The following SLC9C1 variants were observed in gnomAD, a reference collection of about 807,000 sequenced individuals.
SLC9C1 encodes the protein solute carrier family 9 member C1.
In SLC9C1, 97 loss-of-function variants were observed where a neutral mutation model predicts 140.9. That is an observed-to-expected ratio of 0.69 (90% CI 0.58 to 0.82). The LOEUF (loss-of-function observed/expected upper bound fraction) is 0.82. SLC9C1 is among the 40% of genes least tolerant of loss of function. The pLI, the probability that SLC9C1 is intolerant of heterozygous loss-of-function variation, is 0.00. For synonymous variants in SLC9C1, 440 were observed against 442.6 expected, an observed-to-expected ratio of 0.99 and a Z score of 0.07; for missense variants, 1,340 against 1,389.3, an observed-to-expected ratio of 0.96 and a Z score of 0.56.
Position 112,189,800 on chromosome 3 carries a change from T to C in SLC9C1, c.2524-7542A>G, listed in dbSNP as rs190125784. Among the ~76,000 whole-genome samples, 236 of 152,350 alleles carry C rather than the reference T, an allele frequency of 1.5e-3. 1 individual carries two copies. The highest frequency in any genetic ancestry group is 1.2e-3 in the Non-Finnish European group (85 of 68,030). On this transcript the variant is annotated intron_variant, in intron 20 of 28. Coordinates refer to ENST00000305815, the MANE Select transcript of SLC9C1 (RefSeq NM_183061.3). Reference sequence around the variant, plus strand: ...TATTGGTAGCTTGATGGGCATGGTATTGAATCTATTAATTACCTTGGGCAG... The same window carrying C: ...TATTGGTAGCTTGATGGGCATGGTACTGAATCTATTAATTACCTTGGGCAG...
At chr3:112,201,373 C>T (rs1472159318) in intron 18 of SLC9C1, among the ~76,000 whole-genome samples, 1 of 151,992 alleles carries the variant, frequency 6.6e-6, no homozygotes, top group Non-Finnish European at 1.5e-5. Context: ...TGCTAAATAT[C>T]AGTGGTTAGA....
intron 15 of SLC9C1, among the ~76,000 whole-genome samples, chr3:112,214,045 T>C (rs2078284127): frequency 6.6e-6 from 1 of 152,150 alleles, no homozygotes; most frequent in South Asian, 2.1e-4. Context: ...GAACTCAGGA[T>C]TAAGAAACTC....
intron 28 of SLC9C1, 33 bp downstream of exon 28, chr3:112,151,824 C>A (rs757584639): frequency 1.9e-6 from 3 of 1,567,602 alleles, no homozygotes; most frequent in Non-Finnish European, 8.8e-7. Context: ...CAGATGTGCT[C>A]CTGATCCTGT....
chr3:112,287,780 G>A (rs1311393825), intron 1 of SLC9C1, among the ~76,000 whole-genome samples: 1 of 152,160 alleles, frequency 6.6e-6, no homozygotes, highest in African/African-American at 2.4e-5. Context: ...GGGCACGGTG[G>A]CTCACGCCTG....
intron 1 of SLC9C1, among the ~76,000 whole-genome samples, chr3:112,289,897 C>T (rs1004500760): frequency 1.3e-5 from 2 of 152,112 alleles, no homozygotes; most frequent in South Asian, 2.1e-4. Context: ...CATGGAATCA[C>T]GTGGCAAGTT....
At chr3:112,258,675 G>C (rs147271402) in intron 10 of SLC9C1, among the ~76,000 whole-genome samples, 1 of 152,050 alleles carries the variant, frequency 6.6e-6, no homozygotes, top group Non-Finnish European at 1.5e-5. Context: ...GGCTGGGCTG[G>C]TCTCAAACTC....
chr3:112,264,621 A>T (rs1443632585), intron 8 of SLC9C1, among the ~76,000 whole-genome samples: 1 of 151,976 alleles, frequency 6.6e-6, no homozygotes, highest in East Asian at 1.9e-4. Flanking sequence ...TGGTTGCAGA[A>T]TCGTGAGAAT....
At chr3:112,237,482 A>G (rs1041805319) in intron 12 of SLC9C1, among the ~76,000 whole-genome samples, 1 of 152,086 alleles carries the variant, frequency 6.6e-6, no homozygotes, top group East Asian at 1.9e-4. Context: ...GTTATGTGTG[A>G]ATTTGATCCT....
intron 20 of SLC9C1, chr3:112,185,788 G>A (rs1010021595): frequency 1.9e-6 from 3 of 1,555,500 alleles, no homozygotes; most frequent in African/African-American, 1.4e-5. Context: ...ATGCGGCTGC[G>A]AGAGGGCACC....
At chr3:112,285,338 G>C (rs536779974) in intron 2 of SLC9C1, among the ~76,000 whole-genome samples, 1 of 151,994 alleles carries the variant, frequency 6.6e-6, no homozygotes, top group Non-Finnish European at 1.5e-5. Flanking sequence ...TCCCAGGCTC[G>C]AGCGATCCTC....
intron 7 of SLC9C1, 67 bp downstream of exon 7, chr3:112,269,849 T>C (rs2080023631): frequency 7.3e-7 from 1 of 1,371,432 alleles, no homozygotes; most frequent in Non-Finnish European, 9.6e-7. Flanking sequence ...CTGGTATGCA[T>C]TTTTCATATA....
intron 10 of SLC9C1, among the ~76,000 whole-genome samples, chr3:112,244,857 A>T (rs1363539291): frequency 2.0e-5 from 3 of 152,182 alleles, no homozygotes; most frequent in Non-Finnish European, 4.4e-5. Flanking sequence ...AAACTTTAAG[A>T]TATTGGTACT....
chr3:112,252,205 T>G (rs1436594952), intron 10 of SLC9C1, among the ~76,000 whole-genome samples: 1 of 151,502 alleles, frequency 6.6e-6, no homozygotes, highest in East Asian at 2.0e-4. Flanking sequence ...GATTCTGAGG[T>G]GACTAGGGAC....
chr3:112,186,513 A>G (rs1576297877), intron 20 of SLC9C1, among the ~76,000 whole-genome samples: 1 of 152,246 alleles, frequency 6.6e-6, no homozygotes, highest in African/African-American at 2.4e-5. Context: ...TCAATATCAC[A>G]AAGTTATCAA....
intron 10 of SLC9C1, among the ~76,000 whole-genome samples, chr3:112,257,359 C>T (rs2079637138): frequency 6.6e-6 from 1 of 151,994 alleles, no homozygotes; most frequent in African/African-American, 2.4e-5. Context: ...GACATTTATA[C>T]CAACAGAGTA....
At chr3:112,232,338 T>C (rs892983803) in intron 12 of SLC9C1, among the ~76,000 whole-genome samples, 7 of 152,088 alleles carry the variant, frequency 4.6e-5, no homozygotes, top group Non-Finnish European at 1.0e-4. Flanking sequence ...CTTCAGAGAG[T>C]AGGTGAAAAC....
At chr3:112,148,674 T>G (rs957675582) in intron 28 of SLC9C1, among the ~76,000 whole-genome samples, 4 of 152,202 alleles carry the variant, frequency 2.6e-5, no homozygotes, top group Non-Finnish European at 5.9e-5. Flanking sequence ...ACTTGACCCG[T>G]GTTTACTGGC....
At chr3:112,192,235 T>TCTATACCCATTAAACAATAATTACC (rs1435725309) in intron 20 of SLC9C1, among the ~76,000 whole-genome samples, 2 of 152,148 alleles carry the variant, frequency 1.3e-5, no homozygotes, top group African/African-American at 2.4e-5. Flanking sequence ...CAACTGAAAC[T>TCTATACCCATTAAACAATAATTACC]CTATACCCAT....
At chr3:112,240,242 C>T (rs1348933119) in intron 11 of SLC9C1, among the ~76,000 whole-genome samples, 2 of 152,214 alleles carry the variant, frequency 1.3e-5, no homozygotes, top group Non-Finnish European at 2.9e-5. Context: ...TTACTATATT[C>T]TGCAAAAGTG....
Sources: gnomAD v4.1 joint callset for allele counts (sites outside exome capture counted in the v4.1 genomes callset) on GRCh38, gnomAD v4.1.1 for gene constraint, MANE v1.5 for transcripts, NCBI Gene and HGNC (gene_info 2026-07-23, HGNC 2026-07-21) for gene names.